EPB41L4A: variants seen among roughly 807,000 people sequenced by gnomAD.
The protein encoded by EPB41L4A is band 4.1-like protein 4A.
A neutral mutation model predicts 108.6 loss-of-function variants in EPB41L4A; 100 were observed. The observed-to-expected ratio is 0.92, with a 90% CI of 0.78 to 1.09. The LOEUF (loss-of-function observed/expected upper bound fraction) is 1.09, where lower values mean the gene tolerates loss of function less well. EPB41L4A is among the 50% of genes least tolerant of loss of function. The pLI is 0.00. For synonymous variants in EPB41L4A, 319 were observed against 289.0 expected, an observed-to-expected ratio of 1.10 and a Z score of -1.05; for missense variants, 1,030 against 842.7, an observed-to-expected ratio of 1.22 and a Z score of -2.75.
chr5:112,196,993 A>G (rs1344923514), intron 15 of EPB41L4A: 1 of 152,194 alleles, frequency 6.6e-6, no homozygotes, highest in African/African-American at 2.4e-5. Flanking sequence ...AAAACTTACC[A>G]ACATCTTCCT....
At chr5:112,345,358 T>C (rs1371871412) in intron 1 of EPB41L4A, among the ~76,000 whole-genome samples, 5 of 152,218 alleles carry the variant, frequency 3.3e-5, no homozygotes, top group Non-Finnish European at 7.3e-5. Context: ...GGATAATAGA[T>C]ATACAGTGGC....
intron 1 of EPB41L4A, among the ~76,000 whole-genome samples, chr5:112,373,762 G>T (rs555891734): frequency 2.6e-5 from 4 of 152,310 alleles, no homozygotes; most frequent in African/African-American, 9.6e-5. Flanking sequence ...GTGCTTCAGG[G>T]AGACAGTGAA....
At chr5:112,151,404 T>A (rs1759461752) in intron 12 of EPB41L4A, among the ~76,000 whole-genome samples, 1 of 150,704 alleles carries the variant, frequency 6.6e-6, no homozygotes, top group Admixed American at 6.6e-5. Context: ...ATTTGTATAT[T>A]ATTTTATTTT....
At chr5:112,342,959 T>C (rs1055009372) in intron 1 of EPB41L4A, among the ~76,000 whole-genome samples, 2 of 152,214 alleles carry the variant, frequency 1.3e-5, no homozygotes, top group Non-Finnish European at 2.9e-5. Flanking sequence ...ACAGGTTTCT[T>C]AGAGGATTTC....
intron 2 of EPB41L4A, among the ~76,000 whole-genome samples, chr5:112,306,155 G>T (rs1005810230): frequency 6.6e-6 from 1 of 152,038 alleles, no homozygotes; most frequent in Non-Finnish European, 1.5e-5. Context: ...AGTTTTCTCT[G>T]CTAGGAAAAA....
chr5:112,297,454 A>G (rs745986478), intron 2 of EPB41L4A, among the ~76,000 whole-genome samples: 3 of 151,696 alleles, frequency 2.0e-5, no homozygotes, highest in Non-Finnish European at 4.4e-5. Flanking sequence ...AGAATTGTCC[A>G]CTCATGTCCT....
chr5:112,236,192 AAAGAG>A (rs1025072267), intron 11 of EPB41L4A, among the ~76,000 whole-genome samples: 1 of 152,156 alleles, frequency 6.6e-6, no homozygotes, highest in African/African-American at 2.4e-5. Context: ...TCTAGGAACA[AAAGAG>A]AAATGAGAAA....
intron 1 of EPB41L4A, among the ~76,000 whole-genome samples, chr5:112,403,705 T>C (rs929481181): frequency 4.2e-4 from 64 of 152,304 alleles, no homozygotes; most frequent in African/African-American, 1.4e-3. Flanking sequence ...TGGGCTTAAA[T>C]GATCCTCCCA....
intron 2 of EPB41L4A, among the ~76,000 whole-genome samples, chr5:112,291,509 G>C (rs1753642382): frequency 6.6e-6 from 1 of 152,124 alleles, no homozygotes; most frequent in Non-Finnish European, 1.5e-5. Flanking sequence ...GGAGTGTTAG[G>C]CCTCAGGACA....
At chr5:112,198,031 AT>A (rs992864493) in intron 15 of EPB41L4A, among the ~76,000 whole-genome samples, 72 of 151,098 alleles carry the variant, frequency 4.8e-4, no homozygotes, top group African/African-American at 9.2e-4. Context: ...AAGCAGCCCA[AT>A]TTTTTTTTCT....
chr5:112,395,747 TA>T (rs1425848159), intron 1 of EPB41L4A, among the ~76,000 whole-genome samples: 1 of 152,196 alleles, frequency 6.6e-6, no homozygotes, highest in Non-Finnish European at 1.5e-5. Context: ...CATTACTGGG[TA>T]TATACCCAAA....
intron 11 of EPB41L4A, among the ~76,000 whole-genome samples, chr5:112,238,738 A>C (rs1749544910): frequency 6.6e-6 from 1 of 152,186 alleles, no homozygotes; most frequent in African/African-American, 2.4e-5. Flanking sequence ...TGTTTGAATA[A>C]TACTATAGCT....
chr5:112,336,500 C>T (rs1383416905), intron 1 of EPB41L4A, among the ~76,000 whole-genome samples: 2 of 152,124 alleles, frequency 1.3e-5, no homozygotes. Flanking sequence ...GATTCTTTAC[C>T]CTGTACACAT....
At chr5:112,229,869 T>C (rs541664900) in intron 12 of EPB41L4A, among the ~76,000 whole-genome samples, 1 of 151,382 alleles carries the variant, frequency 6.6e-6, no homozygotes, top group East Asian at 2.0e-4. Flanking sequence ...TCGCCTGTAG[T>C]CCCAGCTACT....
intron 1 of EPB41L4A, among the ~76,000 whole-genome samples, chr5:112,349,476 C>T (rs1757898323): frequency 6.6e-6 from 1 of 152,086 alleles, no homozygotes; most frequent in Non-Finnish European, 1.5e-5. Flanking sequence ...ACCAGGATAC[C>T]AGGGAGCTTA....
At chr5:112,214,204 C>T (rs1180786036) in intron 12 of EPB41L4A, among the ~76,000 whole-genome samples, 6 of 152,182 alleles carry the variant, frequency 3.9e-5, no homozygotes, top group African/African-American at 1.2e-4. Flanking sequence ...CACTAATGGG[C>T]TTATGTCTTC....
At chr5:112,232,128 A>AAAGAG (rs1554081818) in intron 12 of EPB41L4A, among the ~76,000 whole-genome samples, 1 of 145,320 alleles carries the variant, frequency 6.9e-6, no homozygotes, top group African/African-American at 2.6e-5. Context: ...AAAAAAAAAA[A>AAAGAG]AGAGAGAGAG....
chr5:112,394,412 G>A (rs550509796), intron 1 of EPB41L4A, among the ~76,000 whole-genome samples: 1 of 152,276 alleles, frequency 6.6e-6, no homozygotes, highest in South Asian at 2.1e-4. Context: ...CAAAATCAAT[G>A]TGCAAAAATC....
chr5:112,344,116 G>A (rs111675844), intron 1 of EPB41L4A, among the ~76,000 whole-genome samples: 2,302 of 151,952 alleles, frequency 0.015, 57 homozygotes, highest in South Asian at 0.056. Context: ...ATTATTAAAC[G>A]TTCCACTAGA....
Sources: gnomAD v4.1 joint callset for allele counts (sites outside exome capture counted in the v4.1 genomes callset) on GRCh38, gnomAD v4.1.1 for gene constraint, MANE v1.5 for transcripts, NCBI Gene and HGNC (gene_info 2026-07-23, HGNC 2026-07-21) for gene names.